The following ELMO1 variants were observed in gnomAD, a reference collection of about 807,000 sequenced individuals.
ELMO1 encodes engulfment and cell motility 1, also known as engulfment and cell motility protein 1.
A neutral mutation model predicts 98.9 loss-of-function variants in ELMO1; 26 were observed. That is an observed-to-expected ratio of 0.26 (90% CI 0.19 to 0.36). The LOEUF (loss-of-function observed/expected upper bound fraction) is 0.36. ELMO1 is among the 10% of genes least tolerant of loss of function. The pLI, the probability that ELMO1 is intolerant of heterozygous loss-of-function variation, is 1.00. For synonymous variants in ELMO1, 346 were observed against 346.0 expected, an observed-to-expected ratio of 1.00 and a Z score of 0.00; for missense variants, 627 against 935.2, an observed-to-expected ratio of 0.67 and a Z score of 4.30.
chr7:37,209,367 A>C (rs1339960599), intron 13 of ELMO1, among the ~76,000 whole-genome samples: 1 of 152,162 alleles, frequency 6.6e-6, no homozygotes, highest in East Asian at 1.9e-4. Context: ...CCCCCGAGGA[A>C]AATCACTACT....
intron 15 of ELMO1, among the ~76,000 whole-genome samples, chr7:37,046,211 T>C (rs990207728): frequency 3.3e-5 from 5 of 152,236 alleles, no homozygotes; most frequent in African/African-American, 1.2e-4. Context: ...ATAGAGAATA[T>C]GTATAACTAT....
intron 17 of ELMO1, among the ~76,000 whole-genome samples, chr7:36,890,207 G>A (rs1459804228): frequency 6.6e-6 from 1 of 152,196 alleles, no homozygotes; most frequent in Admixed American, 6.5e-5. Flanking sequence ...TAAATAAAAG[G>A]AGGAAGATTA....
intron 15 of ELMO1, among the ~76,000 whole-genome samples, chr7:37,032,310 CTACT>C (rs1794927851): frequency 6.6e-6 from 1 of 152,168 alleles, no homozygotes; most frequent in African/African-American, 2.4e-5. Context: ...AGAATTGGCA[CTACT>C]TATTTTTAAC....
chr7:37,153,927 G>A (rs556153037), intron 13 of ELMO1, among the ~76,000 whole-genome samples: 62 of 152,168 alleles, frequency 4.1e-4, no homozygotes, highest in Non-Finnish European at 8.2e-4. Context: ...CCTCATACAG[G>A]TGGGTGCCCC....
At chr7:37,149,089 G>C (rs1466244035) in intron 13 of ELMO1, among the ~76,000 whole-genome samples, 1 of 152,178 alleles carries the variant, frequency 6.6e-6, no homozygotes, top group Non-Finnish European at 1.5e-5. Flanking sequence ...AAACCTCTCT[G>C]CCATGGTGAA....
At chr7:37,116,396 G>A (rs1459817598) in intron 14 of ELMO1, among the ~76,000 whole-genome samples, 1 of 152,108 alleles carries the variant, frequency 6.6e-6, no homozygotes, top group Non-Finnish European at 1.5e-5. Context: ...TGGACAATAT[G>A]GGCTGAATTT....
chr7:37,113,807 A>G (rs1298664386), intron 14 of ELMO1, among the ~76,000 whole-genome samples: 3 of 152,244 alleles, frequency 2.0e-5, no homozygotes, highest in Non-Finnish European at 2.9e-5. Context: ...CAGTGCCAAC[A>G]GGGTGTGAGT....
chr7:37,385,484 G>A (rs1026573509), intron 1 of ELMO1, among the ~76,000 whole-genome samples: 9 of 152,174 alleles, frequency 5.9e-5, no homozygotes, highest in African/African-American at 1.7e-4. Context: ...CACCTCCTTA[G>A]AGAAGAGTGA....
intron 18 of ELMO1, among the ~76,000 whole-genome samples, chr7:36,878,518 C>T (rs1485328204): frequency 6.6e-6 from 1 of 152,104 alleles, no homozygotes; most frequent in Non-Finnish European, 1.5e-5. Context: ...CTTCCACTTT[C>T]CTCTCTGAGA....
chr7:37,247,895 A>ATGTGTGTGTGTGTGTGTGTGTGTGTG (rs58502667), intron 6 of ELMO1, among the ~76,000 whole-genome samples: 30 of 146,642 alleles, frequency 2.0e-4, no homozygotes, highest in African/African-American at 5.7e-4. Flanking sequence ...TTGAAATAAA[A>ATGTGTGTGTGTGTGTGTGTGTGTGTG]TGTGTGTGTG....
intron 15 of ELMO1, among the ~76,000 whole-genome samples, chr7:37,053,335 AAAC>A (rs1232856267): frequency 1.2e-4 from 16 of 138,144 alleles, no homozygotes; most frequent in Non-Finnish European, 1.6e-4. Flanking sequence ...CACACACAGA[AAAC>A]AACAACAACA....
In ELMO1 at chr7:36,910,784, C is replaced by T. The variant is rs919081804; in HGVS notation, c.1438-15767G>A. ...TGGAAATGCAAGATCTTAGAGCAGA[C>T]GAATGAAGCTATACAGTCAAAGATG... On this transcript the variant is annotated intron_variant, in intron 16 of 21. Coordinates refer to ENST00000310758, the MANE Select transcript of ELMO1 (RefSeq NM_014800.11). 5.9e-5 allele frequency among the ~76,000 whole-genome samples: 9 copies of T among 152,234 alleles called. No homozygotes were observed. The East Asian group carries it at 9.7e-4, about 16-fold the overall frequency.
intron 13 of ELMO1, among the ~76,000 whole-genome samples, chr7:37,184,343 G>C (rs1431411691): frequency 6.6e-6 from 1 of 152,122 alleles, no homozygotes; most frequent in African/African-American, 2.4e-5. Context: ...CTTTGAGTAG[G>C]CTCCATGCAT....
chr7:36,859,141 T>C (rs1802417371), intron 21 of ELMO1, among the ~76,000 whole-genome samples: 1 of 152,092 alleles, frequency 6.6e-6, no homozygotes, highest in Admixed American at 6.5e-5. Context: ...CAGAGAAACC[T>C]AGGAAACATG....
At chr7:37,325,467 C>T (rs1294680213) in intron 2 of ELMO1, among the ~76,000 whole-genome samples, 1 of 152,180 alleles carries the variant, frequency 6.6e-6, no homozygotes, top group Non-Finnish European at 1.5e-5. Context: ...AGACGGATCA[C>T]AGCAAGCAGA....
At chr7:37,035,179 G>A (rs916615377) in intron 15 of ELMO1, among the ~76,000 whole-genome samples, 4 of 152,096 alleles carry the variant, frequency 2.6e-5, no homozygotes, top group Admixed American at 2.6e-4. Flanking sequence ...TTTCTTAATG[G>A]CGGTTTGGAA....
intron 1 of ELMO1, among the ~76,000 whole-genome samples, chr7:37,409,721 A>AAG (rs1399748470): frequency 1.3e-5 from 2 of 152,204 alleles, no homozygotes; most frequent in African/African-American, 4.8e-5. Flanking sequence ...GATGGAGGTG[A>AAG]ATAACATTTT....
intron 4 of ELMO1, among the ~76,000 whole-genome samples, chr7:37,297,343 T>G (rs1332503609): frequency 1.3e-5 from 2 of 152,172 alleles, no homozygotes; most frequent in African/African-American, 2.4e-5. Flanking sequence ...ATAAAAGATC[T>G]TATTTCAGTT....
In ELMO1 at chr7:36,855,725, A is replaced by G; in HGVS notation, c.2010T>C (p.Asn670=). ...TCATCATGTCCTTCCCGAGTAGCGCATTCAGTCCATCCGTCCAGATACAGT... is the reference window on the plus strand; with the variant it reads ...TCATCATGTCCTTCCCGAGTAGCGCGTTCAGTCCATCCGTCCAGATACAGT... ...HEYCIWTDGL[N]ALLGKDMMSD... is the part of the protein sequence containing the mutation. Residue 670 remains asparagine (N), a synonymous_variant, in exon 22 of 22, where the codon AAT becomes AAC. Transcript: ENST00000310758. The surrounding 1 kb of genome is among the most constrained non-coding windows in gnomAD (Gnocchi z 4.2). 1 of 1,614,068 alleles carries G rather than the reference A, an allele frequency of 6.2e-7. No homozygotes were observed. The highest frequency in any genetic ancestry group is 8.5e-7 in the Non-Finnish European group (1 of 1,179,970).
Sources: gnomAD v4.1 joint callset for allele counts (sites outside exome capture counted in the v4.1 genomes callset) on GRCh38, gnomAD v4.1.1 for gene constraint, Gnocchi (gnomAD v3.1) non-coding constraint, MANE v1.5 for transcripts, NCBI Gene and HGNC (gene_info 2026-07-23, HGNC 2026-07-21) for gene names.